The following ARFGEF2 variants were observed in gnomAD, a reference collection of about 807,000 sequenced individuals.
The protein encoded by ARFGEF2 is brefeldin A-inhibited guanine nucleotide-exchange protein 2.
A neutral mutation model predicts 219.9 loss-of-function variants in ARFGEF2; 74 were observed. That is an observed-to-expected ratio of 0.34 (90% confidence interval 0.28 to 0.41). The LOEUF is 0.41. Ranked by LOEUF, ARFGEF2 falls within the 10% of genes least tolerant of loss-of-function variation. The pLI, the probability that ARFGEF2 is intolerant of heterozygous loss-of-function variation, is 1.00. For synonymous variants in ARFGEF2, 733 were observed against 799.2 expected (o/e 0.92, Z 1.40); for missense variants, 1,743 against 2,218.3 (o/e 0.79, Z 4.30).
intron 26 of ARFGEF2, 78 bp downstream of exon 26, chr20:49,005,299 T>C (rs2091450960): frequency 6.4e-7 from 1 of 1,566,616 alleles, no homozygotes; most frequent in Non-Finnish European, 8.7e-7. Context: ...ACTAACCACA[T>C]GATTAATTTT....
Position 48,991,056 on chromosome 20 carries a change from A to T in ARFGEF2, c.2831A>T (p.Tyr944Phe), listed in dbSNP as rs886056756. ...IFGMQLERDAYVQALARFSLL... is the reference protein window; with the variant it reads ...IFGMQLERDAFVQALARFSLL... ...CTGTTACAGCTGGAACGAGATGCCTATGTTCAGGCTCTTGCTCGCTTCTCC... is the reference window on the plus strand; with the variant it reads ...CTGTTACAGCTGGAACGAGATGCCTTTGTTCAGGCTCTTGCTCGCTTCTCC... The change falls in exon 21 of 39, where the codon TAT (tyrosine) becomes TTT (phenylalanine). Residue 944 changes from tyrosine to phenylalanine, a missense_variant. By Grantham distance (22) the Tyr-to-Phe change is conservative (BLOSUM62 3). This residue lies in a region of ARFGEF2 where 666 missense variants were observed against 955.4 expected (regional missense o/e 0.70). Transcript: ENST00000371917. The T allele has an allele frequency of 6.2e-7, 1 of 1,614,116 alleles. No homozygotes were observed. Among genetic ancestry groups the T allele is most frequent in the Non-Finnish European group, 8.5e-7 (1 of 1,180,020 alleles).
Position 49,029,902 on chromosome 20 carries a change from A to AT in ARFGEF2, c.5063+1257dup, listed in dbSNP as rs3092436. Among the ~76,000 whole-genome samples the AT allele has an allele frequency of 3.4e-3, 333 of 97,760 alleles. 1 individual carries two copies. Among genetic ancestry groups the AT allele is most frequent in the Middle Eastern group, 8.6e-3 (1 of 116 alleles). 64.1% of individuals were successfully genotyped at this position (97,760 alleles called of 152,430 possible). Reference sequence around the variant, plus strand: ...GCCACCGTGCCCAGCCTAAAAGTGAATTTTTTTTTTTTTTTTTTTTTTTGA... The same window carrying AT: ...GCCACCGTGCCCAGCCTAAAAGTGAATTTTTTTTTTTTTTTTTTTTTTTTGA... On this transcript the variant is annotated intron_variant, in intron 37 of 38. Transcript: ENST00000371917.
chr20:48,963,998 A>G (rs2091172153), intron 7 of ARFGEF2, 100 bp downstream of exon 7: 1 of 1,073,918 alleles, frequency 9.3e-7, no homozygotes, highest in Admixed American at 2.0e-5. Context: ...CCCTGCCCTA[A>G]GAACTGGTGG....
Position 48,963,910 on chromosome 20 carries a change from G to A in ARFGEF2, c.907+12G>A, listed in dbSNP as rs764251466. 8 of 1,613,308 alleles carry A rather than the reference G, an allele frequency of 5.0e-6. No homozygotes were observed. In the South Asian group the frequency reaches 7.7e-5, roughly 16 times the overall value. On this transcript the variant is annotated intron_variant, in intron 7 of 38. Transcript: ENST00000371917. The stretch of plus-strand genomic sequence containing the variant: ...ATCTGCCATTAAAGGTAAGAACCAA[G>A]GACAACCCAGCCTTTCCTCTTCCCT...
intron 14 of ARFGEF2, among the ~76,000 whole-genome samples, 183 bp downstream of exon 14, chr20:48,976,382 G>C (rs753195799): frequency 6.6e-6 from 1 of 152,212 alleles, no homozygotes; most frequent in Non-Finnish European, 1.5e-5. Context: ...TGTGCACACA[G>C]AGAGAGAAAA....
intron 30 of ARFGEF2, among the ~76,000 whole-genome samples, chr20:49,015,804 G>A (rs776924428): frequency 1.3e-5 from 2 of 152,224 alleles, no homozygotes; most frequent in Non-Finnish European, 2.9e-5. Context: ...CAAACTGCTA[G>A]TGAGGTGGCA....
chr20:48,984,868 T>C (rs2091317589), intron 15 of ARFGEF2, 28 bp downstream of exon 15: 1 of 1,611,996 alleles, frequency 6.2e-7, no homozygotes, highest in Non-Finnish European at 8.5e-7. Context: ...AGCACTTGCA[T>C]GTGAGTTCTG....
In ARFGEF2 at chr20:49,012,059, G is replaced by A. The variant is rs758487125; in HGVS notation, c.3893G>A (p.Gly1298Asp). ...MEAIRLIRFC[G>D]KYVSERPRVL... is the part of the protein sequence containing the mutation. ...GCGATTCGGCTCATCCGCTTCTGTG[G>A]CAAATACGTCTCTGAGAGGCCTCGG... Residue 1298 changes from glycine to aspartate, a missense_variant, in exon 28 of 39, where the codon GGC becomes GAC. This residue lies in a region of ARFGEF2 where 578 missense variants were observed against 664.0 expected (regional missense o/e 0.87). Coordinates refer to ENST00000371917, the MANE Select transcript of ARFGEF2 (RefSeq NM_006420.3). The A allele has an allele frequency of 3.7e-6, 6 of 1,614,070 alleles. No individual in the cohort carries two copies. The highest frequency in any genetic ancestry group is 1.6e-4 in the Middle Eastern group (1 of 6,084).
At position 49,013,667 on chromosome 20, in the gene ARFGEF2, A is replaced by T. The variant is rs770155650; in HGVS notation, c.4022A>T (p.Asn1341Ile). The T allele has an allele frequency of 1.9e-6, 3 of 1,614,164 alleles. No individual in the cohort carries two copies. The highest frequency in any genetic ancestry group is 2.5e-6 in the Non-Finnish European group (3 of 1,180,030). ...TTATTCGAACTCTCCTGCATCATTA[A>T]TAGATGCAAGTTAGATGTACGAACA... ...PILFELSCII[N>I]RCKLDVRTRG... Residue 1341 changes from asparagine to isoleucine, a missense_variant, in exon 29 of 39, where the codon AAT becomes ATT. Physicochemically the swap from Asn to Ile is moderately radical, Grantham distance 149 (BLOSUM62 -3). Coordinates refer to ENST00000371917, the MANE Select transcript of ARFGEF2 (RefSeq NM_006420.3).
At chr20:48,972,241 TG>T in intron 10 of ARFGEF2, 84 bp from the exon 11 acceptor site, 1 of 948,004 alleles carries the variant, frequency 1.1e-6, no homozygotes, top group Non-Finnish European at 1.7e-6. Context: ...ACTGCACGAC[TG>T]GGTTGGCTGC....
intron 34 of ARFGEF2, among the ~76,000 whole-genome samples, chr20:49,020,177 C>T (rs2091557630): frequency 6.6e-6 from 1 of 152,144 alleles, no homozygotes; most frequent in Non-Finnish European, 1.5e-5. Context: ...TGTTCTGGTC[C>T]TTTGAAAGTT....
intron 25 of ARFGEF2, chr20:48,999,237 C>T (rs1238139723): frequency 4.4e-6 from 2 of 450,728 alleles, no homozygotes; most frequent in Non-Finnish European, 8.9e-6. Flanking sequence ...GACTTCGTCT[C>T]AGAAAAAAAA....
chr20:48,952,579 C>G (rs1371513862), intron 4 of ARFGEF2, 126 bp from the exon 5 acceptor site: 1 of 917,780 alleles, frequency 1.1e-6, no homozygotes, highest in African/African-American at 1.6e-5. Flanking sequence ...AGCCATCTTA[C>G]AATTTATTTG....
chr20:49,025,880 G>T (rs2091598647), intron 36 of ARFGEF2, among the ~76,000 whole-genome samples: 1 of 152,048 alleles, frequency 6.6e-6, no homozygotes, highest in African/African-American at 2.4e-5. Context: ...TACTTGGGAG[G>T]CCGAGGCAGG....
At chr20:49,027,382 G>A (rs1049984839) in intron 36 of ARFGEF2, among the ~76,000 whole-genome samples, 2 of 152,000 alleles carry the variant, frequency 1.3e-5, no homozygotes, top group Admixed American at 6.6e-5. Context: ...TAATGGTTTC[G>A]CCAGCCAATA....
intron 8 of ARFGEF2, 64 bp from the exon 9 acceptor site, chr20:48,969,083 C>G: frequency 6.4e-7 from 1 of 1,574,626 alleles, no homozygotes; most frequent in Non-Finnish European, 8.7e-7. Flanking sequence ...GCCTCAGCCT[C>G]TGGAGTAGCT....
chr20:49,014,504 A>T lies in ARFGEF2; in HGVS notation c.4179+544A>T, dbSNP rs377664210. Among the ~76,000 whole-genome samples the T allele has an allele frequency of 9.9e-5, 15 of 152,280 alleles. 1 individual carries two copies. Among genetic ancestry groups the T allele is most frequent in the South Asian group, 8.3e-4 (4 of 4,832 alleles). ...TTTTGGGAACACCATTCCTTCTCTC[A>T]CCGCAACATAAAAGTGACATATGCT... On this transcript the variant is annotated intron_variant, in intron 30 of 38. Coordinates refer to ENST00000371917, the MANE Select transcript of ARFGEF2 (RefSeq NM_006420.3).
intron 1 of ARFGEF2, among the ~76,000 whole-genome samples, chr20:48,937,350 T>C (rs1326968007): frequency 6.6e-6 from 1 of 152,236 alleles, no homozygotes; most frequent in Non-Finnish European, 1.5e-5. Context: ...GATGCCGTTA[T>C]CATCTGGGCC....
At chr20:48,987,684 A>ATG (rs988071470) in intron 16 of ARFGEF2, among the ~76,000 whole-genome samples, 48 of 152,260 alleles carry the variant, frequency 3.2e-4, no homozygotes, top group African/African-American at 1.1e-3. Context: ...AGGTCTCCTG[A>ATG]TGTGCTCACT....
Sources: gnomAD v4.1 joint callset for allele counts (sites outside exome capture counted in the v4.1 genomes callset) on GRCh38, gnomAD v4.1.1 for gene constraint, gnomAD v4.1.1 regional missense constraint, MANE v1.5 for transcripts, NCBI Gene and HGNC (gene_info 2026-07-23, HGNC 2026-07-21) for gene names.